Variants in SLC24A2 observed in about 807,000 individuals in gnomAD.
SLC24A2 encodes the protein sodium/potassium/calcium exchanger 2.
SLC24A2 carries 36 observed loss-of-function variants against 62.0 expected under a neutral mutation model. That is an observed-to-expected ratio of 0.58 (90% CI 0.44 to 0.77). SLC24A2 has a LOEUF of 0.77. SLC24A2 is among the 30% of genes least tolerant of loss of function. SLC24A2 has a pLI of 0.00. For missense variants in SLC24A2, 846 were observed against 817.9 expected (o/e 1.03, Z -0.42); for synonymous variants, 358 against 294.0 (o/e 1.22, Z -2.23).
At chr9:20,241,158 C>G in the SLC24A2 span, among the ~76,000 whole-genome samples, 13 of 152,208 alleles carry the variant, frequency 8.5e-5, no homozygotes, top group African/African-American at 3.1e-4. Context: ...TGCAAAGACA[C>G]GCATCCAGTG....
chr9:19,778,042 C>T (rs938233043), intron 2 of SLC24A2, among the ~76,000 whole-genome samples: 2 of 152,100 alleles, frequency 1.3e-5, no homozygotes, highest in Non-Finnish European at 2.9e-5. Flanking sequence ...CTATGATGGT[C>T]AGGCTGTATT....
At chr9:19,734,775 T>C (rs1821453406) in intron 2 of SLC24A2, among the ~76,000 whole-genome samples, 1 of 89,506 alleles carries the variant, frequency 1.1e-5, no homozygotes, top group African/African-American at 5.9e-5. Flanking sequence ...CTTAAGGAGA[T>C]TTTGGGCTGA....
the SLC24A2 span, among the ~76,000 whole-genome samples, chr9:19,827,139 G>T: frequency 6.6e-6 from 1 of 152,240 alleles, no homozygotes; most frequent in East Asian, 1.9e-4. Flanking sequence ...CAGCATGAGG[G>T]ACACTAACAC....
At chr9:20,014,207 C>G in the SLC24A2 span, among the ~76,000 whole-genome samples, 1 of 151,912 alleles carries the variant, frequency 6.6e-6, no homozygotes, top group African/African-American at 2.4e-5. Context: ...GACCATGTCT[C>G]AGCGGGGGAA....
intron 2 of SLC24A2, among the ~76,000 whole-genome samples, chr9:19,750,814 C>T (rs1057397521): frequency 6.6e-6 from 1 of 152,158 alleles, no homozygotes; most frequent in Non-Finnish European, 1.5e-5. Context: ...AGCTACCGGC[C>T]AGGTGTCTGC....
chr9:19,880,356 T>A, the SLC24A2 span, among the ~76,000 whole-genome samples: 2 of 152,186 alleles, frequency 1.3e-5, no homozygotes, highest in African/African-American at 4.8e-5. Flanking sequence ...CTGGTGTACA[T>A]CACCACACAT....
chr9:20,187,874 G>T, the SLC24A2 span, among the ~76,000 whole-genome samples: 1 of 152,158 alleles, frequency 6.6e-6, no homozygotes, highest in Non-Finnish European at 1.5e-5. Context: ...CAGACCCACT[G>T]AATCAAAATT....
chr9:20,053,233 C>G, the SLC24A2 span, among the ~76,000 whole-genome samples: 2 of 152,070 alleles, frequency 1.3e-5, no homozygotes, highest in African/African-American at 4.8e-5. Context: ...CTTCATCCAG[C>G]CATCCTATAA....
chr9:19,871,256 G>A, the SLC24A2 span, among the ~76,000 whole-genome samples: 1 of 152,086 alleles, frequency 6.6e-6, no homozygotes, highest in Non-Finnish European at 1.5e-5. Flanking sequence ...GTTGTTGACT[G>A]AACATAATTC....
At chr9:19,740,442 CCAA>C (rs1406849681) in intron 2 of SLC24A2, among the ~76,000 whole-genome samples, 2 of 152,240 alleles carry the variant, frequency 1.3e-5, no homozygotes, top group East Asian at 3.9e-4. Flanking sequence ...ATAAATCTTA[CCAA>C]CAACGTTAGA....
chr9:20,000,811 C>T, the SLC24A2 span, among the ~76,000 whole-genome samples: 1 of 152,148 alleles, frequency 6.6e-6, no homozygotes, highest in African/African-American at 2.4e-5. Context: ...GACTGTTCCT[C>T]CTCTATACAC....
chr9:19,695,687 A>G (rs1302666805), intron 2 of SLC24A2, among the ~76,000 whole-genome samples: 1 of 150,812 alleles, frequency 6.6e-6, no homozygotes, highest in Non-Finnish European at 1.5e-5. Flanking sequence ...AGCAAAAAAA[A>G]AAAAAAAAAA....
At chr9:19,770,830 T>C (rs1003100189) in intron 2 of SLC24A2, among the ~76,000 whole-genome samples, 2 of 152,308 alleles carry the variant, frequency 1.3e-5, no homozygotes, top group African/African-American at 4.8e-5. Flanking sequence ...TCATAGCACA[T>C]TACAAATACT....
At chr9:19,535,434 A>C (rs1479267613) in intron 8 of SLC24A2, among the ~76,000 whole-genome samples, 1 of 152,186 alleles carries the variant, frequency 6.6e-6, no homozygotes, top group African/African-American at 2.4e-5. Flanking sequence ...CCTAATGCCT[A>C]TGTCCAGAAT....
At chr9:19,702,177 C>T (rs1820375146) in intron 2 of SLC24A2, among the ~76,000 whole-genome samples, 1 of 152,200 alleles carries the variant, frequency 6.6e-6, no homozygotes, top group Admixed American at 6.5e-5. Flanking sequence ...TAGCACTAAT[C>T]ATGATGATTT....
At chr9:20,021,110 G>T in the SLC24A2 span, among the ~76,000 whole-genome samples, 2 of 151,942 alleles carry the variant, frequency 1.3e-5, no homozygotes, top group South Asian at 4.2e-4. Flanking sequence ...CAAATATAAA[G>T]ATTAGTAAAT....
chr9:19,835,891 G>T, the SLC24A2 span, among the ~76,000 whole-genome samples: 2 of 152,204 alleles, frequency 1.3e-5, no homozygotes, highest in Non-Finnish European at 2.9e-5. Flanking sequence ...AGACAACAGT[G>T]CAATCAAACT....
At chr9:19,617,696 C>A (rs985691483) in intron 4 of SLC24A2, among the ~76,000 whole-genome samples, 1 of 152,304 alleles carries the variant, frequency 6.6e-6, no homozygotes, top group East Asian at 1.9e-4. Flanking sequence ...AGAAACAGAA[C>A]CATGAGAACT....
intron 2 of SLC24A2, among the ~76,000 whole-genome samples, chr9:19,714,947 G>C (rs1820816714): frequency 6.6e-6 from 1 of 152,070 alleles, no homozygotes; most frequent in African/African-American, 2.4e-5. Flanking sequence ...CAAATGGAGA[G>C]ATGTAAGTCA....
Sources: allele counts gnomAD v4.1 joint callset (sites outside exome capture counted in the v4.1 genomes callset), GRCh38; gene constraint gnomAD v4.1.1; transcripts MANE v1.5; gene names NCBI Gene and HGNC (gene_info 2026-07-23, HGNC 2026-07-21).